NCOR2: variants seen among roughly 807,000 people sequenced by gnomAD.
NCOR2 encodes nuclear receptor corepressor 2.
In NCOR2, 81 loss-of-function variants were observed where a neutral mutation model predicts 262.9. The observed-to-expected ratio is 0.31, with a 90% CI of 0.26 to 0.37. The LOEUF is 0.37. Ranked by LOEUF, NCOR2 falls within the 10% of genes least tolerant of loss-of-function variation. The pLI is 1.00. For synonymous variants in NCOR2, 1,659 were observed against 1,559.3 expected, an observed-to-expected ratio of 1.06 and a Z score of -1.51; for missense variants, 3,385 against 3,621.4, an observed-to-expected ratio of 0.93 and a Z score of 1.68.
chr12:124,509,248 G>GC (rs201046538), intron 1 of NCOR2, among the ~76,000 whole-genome samples: 2 of 150,790 alleles, frequency 1.3e-5, no homozygotes, highest in Non-Finnish European at 2.9e-5. Flanking sequence ...GGGGGGGGGG[G>GC]GCTTAACTCT....
intron 12 of NCOR2, among the ~76,000 whole-genome samples, chr12:124,421,879 T>G (rs1240378158): frequency 6.6e-6 from 1 of 152,234 alleles, no homozygotes; most frequent in Non-Finnish European, 1.5e-5. Flanking sequence ...CTGGGGACAC[T>G]TTGTGTCTAC....
intron 7 of NCOR2, 81 bp downstream of exon 9, chr12:124,449,734 C>G: frequency 6.6e-7 from 1 of 1,518,580 alleles, no homozygotes; most frequent in East Asian, 2.3e-5. Context: ...GAGCCCACGT[C>G]CCACATCCCA....
rs369230944 is a variant in NCOR2 at position 124,430,327 on chromosome 12, C to T, written c.1055+288G>A. 9.2e-5 allele frequency among the ~76,000 whole-genome samples: 14 copies of T among 152,350 alleles called. No individual in the cohort carries two copies. The East Asian group carries it at 2.7e-3, about 29-fold the overall frequency. On this transcript the variant is annotated intron_variant, in intron 9 of 46. Transcript: ENST00000405201. ...TGTCCCACACCAGGGATCTCAAACT[C>T]AGCTGCCTTCAGGGGTCGTGCAGGC...
intron 16 of NCOR2, chr12:124,388,871 AG>A (rs1332297430): frequency 2.7e-5 from 3 of 109,540 alleles, no homozygotes; most frequent in Non-Finnish European, 3.5e-5. Context: ...ACGGTGAGGG[AG>A]GGAGGGAGGG....
At chr12:124,348,445 C>A in intron 28 of NCOR2, 131 bp from the exon 31 acceptor site, 1 of 1,255,904 alleles carries the variant, frequency 8.0e-7, no homozygotes, top group East Asian at 2.6e-5. Context: ...CAAAGCCTCA[C>A]AGCCGAGGCC....
chr12:124,520,057 C>T (rs577063691), intron 1 of NCOR2, among the ~76,000 whole-genome samples: 3 of 152,312 alleles, frequency 2.0e-5, no homozygotes, highest in South Asian at 2.1e-4. Flanking sequence ...TGGCAGGGGG[C>T]CCAGACTGGC....
At chr12:124,479,555 ACGCGCACACACACGCACGCG>A (rs1565981871) in intron 3 of NCOR2, among the ~76,000 whole-genome samples, 1 of 151,376 alleles carries the variant, frequency 6.6e-6, no homozygotes, top group African/African-American at 2.4e-5. Context: ...CCACACACAA[ACGCGCACACACACGCACGCG>A]CGCGCGCATG....
intron 27 of NCOR2, among the ~76,000 whole-genome samples, chr12:124,352,744 GC>G (rs1214186997): frequency 1.3e-5 from 2 of 152,226 alleles, no homozygotes; most frequent in African/African-American, 4.8e-5. Flanking sequence ...CCAGCCGGTG[GC>G]CCCTGCTCTT....
chr12:124,564,875 C>A (rs867206453), intron 1 of NCOR2, among the ~76,000 whole-genome samples: 1 of 151,810 alleles, frequency 6.6e-6, no homozygotes, highest in Non-Finnish European at 1.5e-5. Context: ...TAGCTTCCAA[C>A]TCCCTCGGTG....
intron 4 of NCOR2, among the ~76,000 whole-genome samples, chr12:124,471,660 C>G (rs906981470): frequency 1.3e-5 from 2 of 152,240 alleles, no homozygotes; most frequent in Non-Finnish European, 2.9e-5. Flanking sequence ...CCTAAACCTC[C>G]TGGGCTCAGG....
intron 44 of NCOR2, among the ~76,000 whole-genome samples, chr12:124,328,085 G>A (rs973743934): frequency 2.0e-5 from 3 of 152,102 alleles, no homozygotes; most frequent in Admixed American, 2.0e-4. Context: ...CCCTGTTTGG[G>A]GAACAGGCTG....
chr12:124,417,417 CT>C (rs1239634671), intron 13 of NCOR2, among the ~76,000 whole-genome samples: 1 of 152,210 alleles, frequency 6.6e-6, no homozygotes, highest in Non-Finnish European at 1.5e-5. Context: ...CCACCTCCCT[CT>C]GTGCAAATGT....
chr12:124,491,161 C>T (rs1324211314), intron 1 of NCOR2, among the ~76,000 whole-genome samples: 1 of 80,384 alleles, frequency 1.2e-5, no homozygotes, highest in Non-Finnish European at 2.3e-5. Context: ...GAAATATTTA[C>T]AGAGAAGGTT....
chr12:124,350,138 C>T (rs1320101836), intron 28 of NCOR2, among the ~76,000 whole-genome samples: 1 of 152,188 alleles, frequency 6.6e-6, no homozygotes, highest in African/African-American at 2.4e-5. Flanking sequence ...TCCTTCCTGG[C>T]AGGGTCTCCT....
Position 124,454,177 on chromosome 12 carries a change from G to A in NCOR2, c.762+2929C>T, listed in dbSNP as rs981752304. On this transcript the variant is annotated intron_variant, in intron 6 of 46. Transcript: ENST00000405201. The surrounding 1 kb of genome is among the most constrained non-coding windows in gnomAD (Gnocchi z 5.6). ...TCCCAGGGGCTCAGCACACCTCCACGCCTCATCTCTTGCTGTGTGGCCCGG... is the reference window on the plus strand; with the variant it reads ...TCCCAGGGGCTCAGCACACCTCCACACCTCATCTCTTGCTGTGTGGCCCGG... 1.7e-4 allele frequency among the ~76,000 whole-genome samples: 26 copies of A among 152,128 alleles called. No individual in the cohort carries two copies. Among genetic ancestry groups the A allele is most frequent in the Non-Finnish European group, 7.3e-5 (5 of 68,030 alleles).
At chr12:124,358,653 C>G (rs1273562665) in intron 22 of NCOR2, among the ~76,000 whole-genome samples, 1 of 152,190 alleles carries the variant, frequency 6.6e-6, no homozygotes, top group Non-Finnish European at 1.5e-5. Flanking sequence ...CATCTGAGTT[C>G]ACCAGCAAAT....
chr12:124,324,519 CAAGG>C (rs1436560444), exon 47 of NCOR2: 2 of 152,294 alleles, frequency 1.3e-5, no homozygotes, highest in Non-Finnish European at 2.9e-5. Flanking sequence ...TCATTCTGCC[CAAGG>C]AAGGGAGGGA....
intron 33 of NCOR2, 73 bp downstream of exon 35, chr12:124,342,932 T>C (rs1838037686): frequency 6.6e-7 from 1 of 1,525,802 alleles, no homozygotes; most frequent in African/African-American, 1.4e-5. Context: ...AAGGAGTCCC[T>C]GAGCGAACAC....
exon 28 of NCOR2, chr12:124,350,736 C>A: frequency 6.2e-7 from 1 of 1,610,294 alleles, no homozygotes; most frequent in Non-Finnish European, 8.5e-7. Flanking sequence ...AGCTGGCGTG[C>A]CCTGCAGGTG....
Sources: gnomAD v4.1 joint callset for allele counts (sites outside exome capture counted in the v4.1 genomes callset) on GRCh38, gnomAD v4.1.1 for gene constraint, Gnocchi (gnomAD v3.1) non-coding constraint, MANE v1.5 for transcripts, NCBI Gene and HGNC (gene_info 2026-07-23, HGNC 2026-07-21) for gene names.